The following CD99L2 variants were observed in gnomAD, a reference collection of about 807,000 sequenced individuals.
CD99L2 encodes CD99 antigen-like protein 2.
CD99L2 carries 24 observed loss-of-function variants against 27.3 expected under a neutral mutation model. The observed-to-expected ratio is 0.88, with a 90% confidence interval of 0.64 to 1.24. CD99L2 has a LOEUF of 1.24. CD99L2 is among the 50% of genes most tolerant of loss of function. The probability of loss-of-function intolerance (pLI) is 0.00; values close to 1 mark genes in which losing one functional copy is unlikely to be tolerated. For synonymous variants in CD99L2, 97 were observed against 87.9 expected (o/e 1.10, Z -0.58); for missense variants, 255 against 221.6 (o/e 1.15, Z -0.96).
Position 150,803,140 on chromosome X carries a change from C to T in CD99L2, c.278-7654G>A, listed in dbSNP as rs529566212. Among the ~76,000 whole-genome samples the T allele has an allele frequency of 8.2e-5, 9 of 110,001 alleles. No individual in the cohort carries two copies. In the South Asian group the frequency reaches 2.7e-3, roughly 33 times the overall value. ...CGAACTCCTGACCTCGTGATCTGCC[C>T]GCCTCGGCCTCCCAAAGTGCTGGGA... is the stretch of plus-strand genomic sequence containing the variant. On this transcript the variant is annotated intron_variant, in intron 4 of 10. Transcript: ENST00000370377.
chrX:150,775,925 G>C (rs2043543793), intron 9 of CD99L2, among the ~76,000 whole-genome samples: 1 of 112,526 alleles, frequency 8.9e-6, no homozygotes, highest in African/African-American at 3.2e-5. Flanking sequence ...ACCCCTGGGA[G>C]CTGGGGCCCT....
At chrX:150,836,446 G>GC (rs1276017763) in intron 1 of CD99L2, among the ~76,000 whole-genome samples, 2 of 108,440 alleles carry the variant, frequency 1.8e-5, no homozygotes, top group Non-Finnish European at 3.9e-5. Context: ...TCCTGCCTCA[G>GC]CCCCCCAAGT....
chrX:150,892,585 GAC>G, intron 1 of CD99L2, among the ~76,000 whole-genome samples: 1 of 80,246 alleles, frequency 1.2e-5, no homozygotes, highest in East Asian at 4.0e-4. Flanking sequence ...CAACCTGGGC[GAC>G]AGAGCGAGAC....
chrX:150,894,211 T>C (rs1423818717), intron 1 of CD99L2, among the ~76,000 whole-genome samples: 2 of 112,135 alleles, frequency 1.8e-5, no homozygotes, highest in Non-Finnish European at 3.8e-5. Context: ...TCTATGGATT[T>C]GCCAACTCTG....
chrX:150,854,059 A>C (rs1207684260), intron 1 of CD99L2, among the ~76,000 whole-genome samples: 3 of 111,114 alleles, frequency 2.7e-5, no homozygotes, highest in Admixed American at 9.5e-5. Context: ...ACACCATCAA[A>C]ACACCAGGTG....
At chrX:150,882,732 T>C (rs1395410815) in intron 1 of CD99L2, among the ~76,000 whole-genome samples, 1 of 109,957 alleles carries the variant, frequency 9.1e-6, no homozygotes, top group Non-Finnish European at 1.9e-5. Flanking sequence ...CATAAGATAC[T>C]CTCACAATAT....
intron 1 of CD99L2, among the ~76,000 whole-genome samples, chrX:150,855,678 A>G (rs1360314276): frequency 9.0e-6 from 1 of 111,338 alleles, no homozygotes; most frequent in Admixed American, 9.5e-5. Context: ...GTGTCCTTAT[A>G]AGAAGAGCAA....
intron 1 of CD99L2, among the ~76,000 whole-genome samples, chrX:150,894,753 A>G (rs2047579344): frequency 9.1e-6 from 1 of 109,628 alleles, no homozygotes; most frequent in South Asian, 4.0e-4. Flanking sequence ...ACGCCTGGCT[A>G]ATTTTTGTAT....
At chrX:150,769,362 T>TCGA (rs2043372577) in intron 10 of CD99L2, among the ~76,000 whole-genome samples, 3 of 112,295 alleles carry the variant, frequency 2.7e-5, no homozygotes, top group Non-Finnish European at 5.6e-5. Context: ...CCAGCGCTGC[T>TCGA]GGAAGGGTTA....
rs782632458 is a variant in CD99L2, at chrX:150,781,932, A to C, written c.497-4450T>G. On this transcript the variant is annotated intron_variant, in intron 7 of 10. Transcript: ENST00000370377. ...ACAAAAGACAATGCTATACGCATAC[A>C]TGGCAGCCTTGATTCCTACGTAGCC... Among the ~76,000 whole-genome samples the C allele has an allele frequency of 4.2e-3, 468 of 112,314 alleles. 1 individual carries two copies. Among genetic ancestry groups the C allele is most frequent in the African/African-American group, 0.015 (453 of 30,940 alleles).
chrX:150,859,804 A>G (rs1246911924), intron 1 of CD99L2, among the ~76,000 whole-genome samples: 1 of 109,596 alleles, frequency 9.1e-6, no homozygotes, highest in Non-Finnish European at 1.9e-5. Flanking sequence ...CGGCAGCAAA[A>G]CTCTGTCTTA....
chrX:150,837,752 T>C (rs1380641747), intron 1 of CD99L2, among the ~76,000 whole-genome samples: 1 of 112,328 alleles, frequency 8.9e-6, no homozygotes, highest in African/African-American at 3.2e-5. Context: ...GAGTCCATGC[T>C]GAATGAATAA....
rs369653086 is a variant in CD99L2, at chrX:150,793,674, C to G, written c.496+17G>C. Reference sequence around the variant, plus strand: ...CACCAGAATAAGGGTTGTGTTGGCACAAATCAATGCTCCTACCTTTACCCT... The same window carrying G: ...CACCAGAATAAGGGTTGTGTTGGCAGAAATCAATGCTCCTACCTTTACCCT... On this transcript the variant is annotated intron_variant, in intron 7 of 10. Transcript: ENST00000370377. The G allele has an allele frequency of 1.3e-5, 15 of 1,168,501 alleles. No homozygotes were observed. The African/African-American group carries it at 1.8e-4, about 14-fold the overall frequency.
At chrX:150,889,175 C>T (rs1557422704) in intron 1 of CD99L2, among the ~76,000 whole-genome samples, 2 of 112,643 alleles carry the variant, frequency 1.8e-5, no homozygotes, top group African/African-American at 6.4e-5. Context: ...GCATGTTTTA[C>T]CCTGCTCTGT....
chrX:150,783,927 G>A (rs2045555146), intron 7 of CD99L2, among the ~76,000 whole-genome samples: 1 of 111,804 alleles, frequency 8.9e-6, no homozygotes, highest in Non-Finnish European at 1.9e-5. Context: ...CATCCATTTC[G>A]TACCACCCAA....
At chrX:150,783,497 G>A (rs931886263) in intron 7 of CD99L2, among the ~76,000 whole-genome samples, 13 of 111,755 alleles carry the variant, frequency 1.2e-4, no homozygotes, top group East Asian at 2.8e-4. Flanking sequence ...ACATGGGTAA[G>A]AGAATGCCTG....
At chrX:150,817,416 A>G (rs1405209082) in intron 2 of CD99L2, among the ~76,000 whole-genome samples, 1 of 110,970 alleles carries the variant, frequency 9.0e-6, no homozygotes, top group Non-Finnish European at 1.9e-5. Context: ...ATAAAAAAAA[A>G]TAAGTGTGGT....
intron 1 of CD99L2, among the ~76,000 whole-genome samples, chrX:150,893,350 C>A (rs1557422943): frequency 9.1e-6 from 1 of 110,156 alleles, no homozygotes; most frequent in African/African-American, 3.3e-5. Flanking sequence ...AGGGACCACT[C>A]CTGAACTCGG....
chrX:150,898,609 C>T lies in CD99L2; in HGVS notation c.-21G>A, dbSNP rs782269400. The T allele has an allele frequency of 1.0e-5, 11 of 1,090,792 alleles. No homozygotes were observed. Among genetic ancestry groups the T allele is most frequent in the African/African-American group, 2.0e-5 (1 of 50,894 alleles). 89.9% of individuals were successfully genotyped at this position (1,090,792 alleles called of 1,213,427 possible). ...ACCATGGCTGGGAGCAGGCGGAGGG[C>T]CCCGGAGGAGCACAGTTAGCGCGAG... On this transcript the variant is annotated 5_prime_UTR_variant, in exon 1 of 11. Coordinates refer to ENST00000370377, the MANE Select transcript of CD99L2 (RefSeq NM_031462.4).
Sources: gnomAD v4.1 joint callset for allele counts (sites outside exome capture counted in the v4.1 genomes callset) on GRCh38, gnomAD v4.1.1 for gene constraint, MANE v1.5 for transcripts, NCBI Gene and HGNC (gene_info 2026-07-23, HGNC 2026-07-21) for gene names.